Variants in GLT1D1 observed in about 807,000 individuals in gnomAD.
GLT1D1 encodes the protein glycosyltransferase 1 domain containing 1, also known as glycosyltransferase 1 domain-containing protein 1.
GLT1D1 carries 21 observed loss-of-function variants against 28.7 expected under a neutral mutation model. The ratio of observed to expected loss-of-function variants is 0.73; its 90% confidence interval spans 0.52 to 1.05. The LOEUF is 1.05. GLT1D1 is among the 50% of genes least tolerant of loss of function. GLT1D1 has a pLI of 0.00. For synonymous variants in GLT1D1, 147 were observed against 124.8 expected, an observed-to-expected ratio of 1.18 and a Z score of -1.19; for missense variants, 343 against 330.6, an observed-to-expected ratio of 1.04 and a Z score of -0.29.
intron 1 of GLT1D1, among the ~76,000 whole-genome samples, chr12:128,865,081 A>T (rs1956481507): frequency 6.6e-6 from 1 of 152,122 alleles, no homozygotes; most frequent in African/African-American, 2.4e-5. Context: ...GTCTGGTGAA[A>T]TGCTCAGCCA....
chr12:128,929,294 G>A (rs1038109241), intron 4 of GLT1D1, among the ~76,000 whole-genome samples: 4 of 152,136 alleles, frequency 2.6e-5, no homozygotes, highest in East Asian at 1.9e-4. Context: ...GGTCTGCAGC[G>A]TTAAATAAAG....
At chr12:128,974,908 G>C (rs549004620) in intron 7 of GLT1D1, among the ~76,000 whole-genome samples, 3 of 152,330 alleles carry the variant, frequency 2.0e-5, no homozygotes, top group Non-Finnish European at 2.9e-5. Context: ...CTCTCTCTTC[G>C]CTAAAGAAGT....
At chr12:128,866,801 AG>A (rs1956538266) in intron 1 of GLT1D1, among the ~76,000 whole-genome samples, 1 of 151,824 alleles carries the variant, frequency 6.6e-6, no homozygotes, top group South Asian at 2.1e-4. Context: ...TTATATTTTT[AG>A]TAGAGACAGG....
At chr12:128,943,766 C>A (rs1272204644) in intron 4 of GLT1D1, among the ~76,000 whole-genome samples, 1 of 152,168 alleles carries the variant, frequency 6.6e-6, no homozygotes, top group Non-Finnish European at 1.5e-5. Context: ...TTGTGTCTTA[C>A]AACAAATCTG....
chr12:128,854,899 C>A (rs530094121), intron 1 of GLT1D1, among the ~76,000 whole-genome samples: 1 of 152,208 alleles, frequency 6.6e-6, no homozygotes, highest in African/African-American at 2.4e-5. Flanking sequence ...AAGAGAGGAT[C>A]CATCAGTTTT....
At chr12:128,907,098 C>G in intron 4 of GLT1D1, 1 of 630,678 alleles carries the variant, frequency 1.6e-6, no homozygotes, top group Non-Finnish European at 2.9e-6. Context: ...GGCCCCATTG[C>G]TTTATGTCTG....
At chr12:128,859,168 C>A (rs982541938) in intron 1 of GLT1D1, among the ~76,000 whole-genome samples, 5 of 152,180 alleles carry the variant, frequency 3.3e-5, no homozygotes, top group African/African-American at 1.2e-4. Context: ...CAGAATAAAT[C>A]TCTTAATATT....
At chr12:128,940,622 T>C (rs1875105606) in intron 4 of GLT1D1, among the ~76,000 whole-genome samples, 1 of 152,198 alleles carries the variant, frequency 6.6e-6, no homozygotes, top group Non-Finnish European at 1.5e-5. Context: ...ATGTTGCTAT[T>C]AATTTTTGCA....
chr12:128,982,806 C>T, intron 7 of GLT1D1, 123 bp from the exon 12 acceptor site: 1 of 778,014 alleles, frequency 1.3e-6, no homozygotes, highest in Non-Finnish European at 2.2e-6. Flanking sequence ...AAGTCACTCT[C>T]TCCAGGCCCA....
At chr12:128,873,909 T>G (rs1956763911) in intron 1 of GLT1D1, among the ~76,000 whole-genome samples, 1 of 133,308 alleles carries the variant, frequency 7.5e-6, no homozygotes. Context: ...TTCTCTTTCT[T>G]TCTCTCTTTC....
At chr12:128,971,949 G>A (rs562291760) in intron 7 of GLT1D1, among the ~76,000 whole-genome samples, 48 of 137,882 alleles carry the variant, frequency 3.5e-4, no homozygotes, top group African/African-American at 1.1e-3. Context: ...TTTGAGTTTT[G>A]CCGGGAGAAT....
At chr12:128,905,828 G>GT (rs34356463) in intron 4 of GLT1D1, among the ~76,000 whole-genome samples, 36,594 of 146,760 alleles carry the variant, frequency 0.25, 5,397 homozygotes, top group Admixed American at 0.4. Context: ...TCTTTTAAGT[G>GT]TTTTTTTTTT....
intron 5 of GLT1D1, among the ~76,000 whole-genome samples, chr12:128,946,972 T>C (rs1366336327): frequency 6.6e-6 from 1 of 152,174 alleles, no homozygotes; most frequent in Non-Finnish European, 1.5e-5. Flanking sequence ...TCTATTCTTA[T>C]TGTCTCATTA....
chr12:128,902,574 G>A (rs1870403909), intron 4 of GLT1D1, among the ~76,000 whole-genome samples: 1 of 151,406 alleles, frequency 6.6e-6, no homozygotes, highest in Admixed American at 6.6e-5. Flanking sequence ...TGGGTGCAGT[G>A]TCCAAGAACA....
At chr12:128,859,514 G>A (rs923683709) in intron 1 of GLT1D1, among the ~76,000 whole-genome samples, 9 of 152,134 alleles carry the variant, frequency 5.9e-5, no homozygotes, top group Non-Finnish European at 1.0e-4. Flanking sequence ...TGAGTGGGAC[G>A]CCACTCCACA....
At chr12:128,903,931 A>C (rs1020921824) in intron 4 of GLT1D1, among the ~76,000 whole-genome samples, 2 of 151,664 alleles carry the variant, frequency 1.3e-5, no homozygotes, top group African/African-American at 4.9e-5. Flanking sequence ...GGGTTTCACC[A>C]TGTTGGCCAG....
intron 6 of GLT1D1, among the ~76,000 whole-genome samples, chr12:128,956,842 G>T (rs1467124549): frequency 6.6e-6 from 1 of 152,162 alleles, no homozygotes; most frequent in Non-Finnish European, 1.5e-5. Context: ...TCCCGCTGTG[G>T]TCAGTGGGAT....
At chr12:128,976,003 C>T (rs1879731408) in intron 7 of GLT1D1, among the ~76,000 whole-genome samples, 1 of 152,160 alleles carries the variant, frequency 6.6e-6, no homozygotes, top group Non-Finnish European at 1.5e-5. Flanking sequence ...GACATGGTCA[C>T]ATTGATGTGT....
intron 4 of GLT1D1, among the ~76,000 whole-genome samples, chr12:128,920,900 C>T (rs955968005): frequency 6.6e-6 from 1 of 152,176 alleles, no homozygotes; most frequent in East Asian, 1.9e-4. Context: ...GAGGAGACAA[C>T]ATTTATTAAA....
Sources: gnomAD v4.1 joint callset for allele counts (sites outside exome capture counted in the v4.1 genomes callset) on GRCh38, gnomAD v4.1.1 for gene constraint, MANE v1.5 for transcripts, NCBI Gene and HGNC (gene_info 2026-07-23, HGNC 2026-07-21) for gene names.